The following PKP4 variants were observed in gnomAD, a reference collection of about 807,000 sequenced individuals.
PKP4 encodes plakophilin 4.
In PKP4, 90 loss-of-function variants were observed where a neutral mutation model predicts 145.1. That is an observed-to-expected ratio of 0.62 (90% CI 0.52 to 0.74). PKP4 has a LOEUF of 0.74. PKP4 is among the 30% of genes least tolerant of loss of function. The pLI is 0.00. For missense variants in PKP4, 1,340 were observed against 1,482.7 expected, an observed-to-expected ratio of 0.90 and a Z score of 1.58; for synonymous variants, 563 against 577.2, an observed-to-expected ratio of 0.98 and a Z score of 0.35.
At chr2:158,521,998 G>C (rs756713426) in intron 1 of PKP4, among the ~76,000 whole-genome samples, 2 of 151,508 alleles carry the variant, frequency 1.3e-5, no homozygotes, top group Admixed American at 6.6e-5. Context: ...TCATTATTTT[G>C]TCATATCAGT....
intron 2 of PKP4, among the ~76,000 whole-genome samples, chr2:158,564,089 AAG>A (rs1462239462): frequency 1.3e-5 from 2 of 152,072 alleles, no homozygotes; most frequent in Non-Finnish European, 2.9e-5. Context: ...ATACAATTAA[AAG>A]AGATAATATA....
chr2:158,627,517 G>A (rs960152737), intron 7 of PKP4, among the ~76,000 whole-genome samples: 1 of 151,876 alleles, frequency 6.6e-6, no homozygotes, highest in Non-Finnish European at 1.5e-5. Context: ...TAGAAATACT[G>A]CAGTGTTCTC....
chr2:158,541,700 T>C (rs1039794483), intron 2 of PKP4, among the ~76,000 whole-genome samples: 2 of 152,166 alleles, frequency 1.3e-5, no homozygotes, highest in African/African-American at 4.8e-5. Flanking sequence ...CCTTTAAAAA[T>C]TGGAGTTCAA....
chr2:158,660,262 C>T (rs745326442), intron 12 of PKP4: 87 of 152,722 alleles, frequency 5.7e-4, no homozygotes, highest in Non-Finnish European at 7.2e-4. Flanking sequence ...GAAAAGAATC[C>T]GCAATTCTAG....
rs558713776 is a variant in PKP4, at chr2:158,643,861, G to C, written c.1909+1162G>C. On this transcript the variant is annotated intron_variant, in intron 11 of 21. Transcript: ENST00000389759. ...GCTCACTGCAACCTCTGCCTCCCGGGTTCAAGCGATTCTCTCGCCTCAGCC... is the reference window on the plus strand; with the variant it reads ...GCTCACTGCAACCTCTGCCTCCCGGCTTCAAGCGATTCTCTCGCCTCAGCC... Among the ~76,000 whole-genome samples the C allele has an allele frequency of 3.0e-3, 457 of 152,240 alleles. 1 individual carries two copies. The highest frequency in any genetic ancestry group is 4.0e-3 in the Non-Finnish European group (273 of 68,020).
intron 1 of PKP4, among the ~76,000 whole-genome samples, chr2:158,464,981 C>T (rs527989816): frequency 1.3e-5 from 2 of 152,328 alleles, no homozygotes; most frequent in East Asian, 3.9e-4. Context: ...TTTTAACCAA[C>T]ATTTTTTAGT....
Position 158,625,033 on chromosome 2 carries a change from C to T in PKP4, c.759C>T (p.Pro253=). 1.9e-6 allele frequency: 3 copies of T among 1,614,194 alleles called. No homozygotes were observed. The highest frequency in any genetic ancestry group is 2.5e-6 in the Non-Finnish European group (3 of 1,180,036). The change falls in exon 7 of 22, where the codon CCC becomes CCT. Residue 253 remains proline, a synonymous_variant. Transcript: ENST00000389759. ...TTGGCTCTCCGTCAGTGACCGACCC[C>T]CGACCTCTGAACCCCAGTGCATATT... ...SGFGSPSVTD[P]RPLNPSAYSS...
At position 158,467,422 on chromosome 2, in the gene PKP4, T is replaced by C. The variant is rs1690794229; in HGVS notation, c.-6+10204T>C. On this transcript the variant is annotated intron_variant, in intron 1 of 21. Coordinates refer to ENST00000389759, the MANE Select transcript of PKP4 (RefSeq NM_003628.6). ...TGTCATTTTAAGAATGCTAGTGGCC[T>C]ACACCTGTAGTTACAGCTACTGAGG... is the stretch of plus-strand genomic sequence containing the variant. 2.0e-5 allele frequency among the ~76,000 whole-genome samples: 3 copies of C among 151,902 alleles called. 1 individual carries two copies. In the South Asian group the frequency reaches 6.2e-4, roughly 32 times the overall value.
Position 158,634,253 on chromosome 2 carries a change from G to GATCC in PKP4, c.1527_1530dup (p.Pro511IlefsTer18). On this transcript the variant is annotated frameshift_variant, in exon 9 of 22. Coordinates refer to ENST00000389759, the MANE Select transcript of PKP4 (RefSeq NM_003628.6). LOFTEE classifies it high-confidence loss of function. ...GTGCCGGCTGATGATGGCACCACAA[G>GATCC]ATCCCCATCAATAGACAGCATTCAG... 6.2e-7 allele frequency: 1 copy of GATCC among 1,614,036 alleles called. No individual in the cohort carries two copies. Among genetic ancestry groups the GATCC allele is most frequent in the Non-Finnish European group, 8.5e-7 (1 of 1,180,000 alleles).
At chr2:158,656,560 G>A (rs1029774033) in intron 11 of PKP4, among the ~76,000 whole-genome samples, 6 of 152,160 alleles carry the variant, frequency 3.9e-5, no homozygotes, top group South Asian at 2.1e-4. Context: ...AGTAGAAAAG[G>A]GGTAAAAGTC....
Position 158,640,611 on chromosome 2 carries a change from T to C in PKP4, c.1563-16T>C, listed in dbSNP as rs969810492. The C allele has an allele frequency of 1.2e-6, 2 of 1,611,308 alleles. No individual in the cohort carries two copies. Among genetic ancestry groups the C allele is most frequent in the Non-Finnish European group, 1.7e-6 (2 of 1,179,474 alleles). ...ACATGGGCCTTCCTTTCTGAAGCCA[T>C]GTTTTTCTCATGTAGGGAGTTTGCC... On this transcript the variant is annotated splice_polypyrimidine_tract_variant and intron_variant, in intron 9 of 21. Transcript: ENST00000389759.
chr2:158,503,641 A>G (rs1696898984), intron 1 of PKP4, among the ~76,000 whole-genome samples: 1 of 152,262 alleles, frequency 6.6e-6, no homozygotes, highest in Non-Finnish European at 1.5e-5. Flanking sequence ...CTTCTTTTTT[A>G]TTGGAAATTT....
intron 1 of PKP4, among the ~76,000 whole-genome samples, chr2:158,479,925 G>T (rs796075774): frequency 2.4e-4 from 36 of 152,236 alleles, no homozygotes; most frequent in African/African-American, 8.7e-4. Flanking sequence ...TTTTGCTTCT[G>T]CCCTAGCTAC....
intron 2 of PKP4, among the ~76,000 whole-genome samples, chr2:158,536,200 A>G (rs777903383): frequency 6.6e-6 from 1 of 152,218 alleles, no homozygotes; most frequent in African/African-American, 2.4e-5. Flanking sequence ...TTATGCTGTG[A>G]CAGTAGTTTA....
intron 2 of PKP4, among the ~76,000 whole-genome samples, chr2:158,539,982 G>T (rs942394698): frequency 2.0e-5 from 3 of 152,080 alleles, no homozygotes; most frequent in African/African-American, 7.2e-5. Flanking sequence ...TGGCCAACAG[G>T]TTTATTCAGT....
chr2:158,543,551 G>A (rs879539132), intron 2 of PKP4, among the ~76,000 whole-genome samples: 8 of 152,164 alleles, frequency 5.3e-5, no homozygotes, highest in Non-Finnish European at 1.0e-4. Flanking sequence ...CAAGAAAAGT[G>A]TGTGCTCTGT....
At chr2:158,562,201 A>G (rs2046592594) in intron 2 of PKP4, among the ~76,000 whole-genome samples, 1 of 152,188 alleles carries the variant, frequency 6.6e-6, no homozygotes, top group African/African-American at 2.4e-5. Flanking sequence ...TTGGGACTTT[A>G]AAAAAATACA....
chr2:158,514,079 G>A lies in PKP4; in HGVS notation c.-5-19101G>A, dbSNP rs192367316. Among the ~76,000 whole-genome samples, 430 of 152,148 alleles carry A rather than the reference G, an allele frequency of 2.8e-3. 4 individuals are homozygous for A. Among genetic ancestry groups the A allele is most frequent in the African/African-American group, 0.01 (417 of 41,498 alleles). On this transcript the variant is annotated intron_variant, in intron 1 of 21. Coordinates refer to ENST00000389759, the MANE Select transcript of PKP4 (RefSeq NM_003628.6). ...TAGACAGCTCTTTCAGCATCATAAT[G>A]GCCACAAAACCTAACACCATCTGGT...
chr2:158,656,528 G>T (rs1334358152), intron 11 of PKP4, among the ~76,000 whole-genome samples: 1 of 152,150 alleles, frequency 6.6e-6, no homozygotes, highest in African/African-American at 2.4e-5. Flanking sequence ...TGTCCTGAAG[G>T]CTGTAGTTAT....
Sources: gnomAD v4.1 joint callset for allele counts (sites outside exome capture counted in the v4.1 genomes callset) on GRCh38, gnomAD v4.1.1 for gene constraint, MANE v1.5 for transcripts, NCBI Gene and HGNC (gene_info 2026-07-23, HGNC 2026-07-21) for gene names.